Variants in ACSBG2 observed in about 807,000 individuals in gnomAD.
ACSBG2 encodes acyl-CoA synthetase bubblegum family member 2.
In ACSBG2, 62 loss-of-function variants were observed where a neutral mutation model predicts 74.7. The observed-to-expected ratio is 0.83, with a 90% CI of 0.68 to 1.03. The LOEUF (loss-of-function observed/expected upper bound fraction) is 1.03, where lower values mean the gene tolerates loss of function less well. Among genes scored for constraint, ACSBG2 ranks in the 50% least tolerant of loss-of-function variants. ACSBG2 has a pLI of 0.00. For synonymous variants in ACSBG2, 309 were observed against 294.1 expected (o/e 1.05, Z -0.52); for missense variants, 730 against 817.6 (o/e 0.89, Z 1.31).
intron 4 of ACSBG2, among the ~76,000 whole-genome samples, chr19:6,152,769 C>T (rs192108490): frequency 1.2e-4 from 19 of 152,044 alleles, no homozygotes; most frequent in African/African-American, 3.1e-4. Flanking sequence ...GGCAAAAAGT[C>T]GGGGACAACC....
chr19:6,184,861 A>ACAAACAAACAAAC lies in ACSBG2; in HGVS notation c.1323-575_1323-574insCAAACAAACAAAC, dbSNP rs1568254747. 2.0e-4 allele frequency among the ~76,000 whole-genome samples: 28 copies of ACAAACAAACAAAC among 139,794 alleles called. 1 individual carries two copies. The highest frequency in any genetic ancestry group is 8.0e-4 in the African/African-American group (28 of 35,198). 91.7% of individuals were successfully genotyped at this position (139,794 alleles called of 152,430 possible). A position where few individuals can be genotyped will look rare whatever the true frequency, so the allele number is the denominator to read the frequency against. ...AAAAAAAAAAAAAAAAAAAAAAAAA[A>ACAAACAAACAAAC]AAAAAAAAAAACGAAAAACAGCCTG... On this transcript the variant is annotated intron_variant, in intron 10 of 14. Transcript: ENST00000588485.
At chr19:6,179,336 G>A (rs1600113039) in intron 8 of ACSBG2, among the ~76,000 whole-genome samples, 1 of 113,060 alleles carries the variant, frequency 8.8e-6, no homozygotes, top group Non-Finnish European at 1.7e-5. Context: ...GTCGTGCTCT[G>A]TTACCCAGCC....
chr19:6,136,238 C>A (rs1253586809), intron 1 of ACSBG2, among the ~76,000 whole-genome samples: 2 of 151,976 alleles, frequency 1.3e-5, no homozygotes, highest in Non-Finnish European at 2.9e-5. Flanking sequence ...ACTACAGGTG[C>A]CTGCCACCAT....
intron 1 of ACSBG2, among the ~76,000 whole-genome samples, chr19:6,140,179 C>T (rs1962651): frequency 0.56 from 83,256 of 148,538 alleles, 24,942 homozygotes; most frequent in Admixed American, 0.67. Flanking sequence ...GAGCCGAGAT[C>T]GAGCCACTGC....
chr19:6,182,720 G>A, intron 8 of ACSBG2, 31 bp from the exon 9 acceptor site: 1 of 1,606,244 alleles, frequency 6.2e-7, no homozygotes, highest in South Asian at 1.1e-5. Context: ...GGAAGGCCCT[G>A]CTGTGGCTAA....
intron 5 of ACSBG2, 66 bp from the exon 6 acceptor site, chr19:6,161,149 T>A: frequency 7.5e-7 from 1 of 1,335,250 alleles, no homozygotes; most frequent in Non-Finnish European, 1.1e-6. Context: ...ACTTAGGACA[T>A]CTAACCCAGC....
intron 8 of ACSBG2, among the ~76,000 whole-genome samples, chr19:6,181,876 G>A (rs1181890218): frequency 8.1e-6 from 1 of 123,858 alleles, no homozygotes; most frequent in Non-Finnish European, 1.6e-5. Context: ...TAAATTTAAG[G>A]TTTTATTTCT....
intron 13 of ACSBG2, among the ~76,000 whole-genome samples, chr19:6,188,420 T>G (rs1440160857): frequency 6.6e-6 from 1 of 152,138 alleles, no homozygotes; most frequent in Non-Finnish European, 1.5e-5. Flanking sequence ...TTGGGCAGAC[T>G]GCTTGAGCCC....
At chr19:6,169,999 G>A (rs1448082299) in intron 7 of ACSBG2, among the ~76,000 whole-genome samples, 1 of 152,134 alleles carries the variant, frequency 6.6e-6, no homozygotes. Flanking sequence ...TTTTCTAGAT[G>A]TAGAATCATA....
At chr19:6,145,620 G>A (rs986898320) in intron 2 of ACSBG2, among the ~76,000 whole-genome samples, 2 of 152,066 alleles carry the variant, frequency 1.3e-5, no homozygotes, top group African/African-American at 4.8e-5. Flanking sequence ...GTTACTGGGT[G>A]GTAGTGAGAA....
intron 7 of ACSBG2, among the ~76,000 whole-genome samples, chr19:6,168,210 T>C (rs1280564535): frequency 1.3e-5 from 2 of 152,152 alleles, no homozygotes; most frequent in African/African-American, 4.8e-5. Flanking sequence ...ATGGTCCTCC[T>C]TGCTGTTCCT....
intron 3 of ACSBG2, 77 bp downstream of exon 3, chr19:6,147,752 A>T: frequency 6.8e-7 from 1 of 1,478,344 alleles, no homozygotes; most frequent in South Asian, 1.2e-5. Flanking sequence ...CATGTGGTAC[A>T]AAATTCACAA....
At chr19:6,184,846 A>G (rs1259406283) in intron 10 of ACSBG2, among the ~76,000 whole-genome samples, 1 of 123,808 alleles carries the variant, frequency 8.1e-6, no homozygotes, top group African/African-American at 3.7e-5. Flanking sequence ...AAAAAAAAAA[A>G]AAAAAAAAAA....
intron 5 of ACSBG2, among the ~76,000 whole-genome samples, chr19:6,159,886 C>G (rs2089549641): frequency 6.6e-6 from 1 of 152,182 alleles, no homozygotes; most frequent in Non-Finnish European, 1.5e-5. Context: ...CTGTTGCCTG[C>G]CCCAGGCTCC....
chr19:6,169,070 C>T (rs551039571), intron 7 of ACSBG2, among the ~76,000 whole-genome samples: 4 of 152,314 alleles, frequency 2.6e-5, no homozygotes, highest in East Asian at 1.9e-4. Flanking sequence ...TGAGCCATGG[C>T]GCCTGGCCAA....
intron 6 of ACSBG2, among the ~76,000 whole-genome samples, chr19:6,164,766 T>G (rs896035714): frequency 1.3e-5 from 2 of 152,150 alleles, no homozygotes; most frequent in Admixed American, 1.3e-4. Context: ...ATCACCCTCA[T>G]CCAGTGCTTT....
chr19:6,153,371 T>C (rs1386568331), intron 4 of ACSBG2, among the ~76,000 whole-genome samples: 1 of 152,234 alleles, frequency 6.6e-6, no homozygotes, highest in Non-Finnish European at 1.5e-5. Flanking sequence ...GGTGCCATCA[T>C]GATCCCAAGT....
chr19:6,138,641 G>T (rs2088687128), intron 1 of ACSBG2, among the ~76,000 whole-genome samples: 1 of 135,012 alleles, frequency 7.4e-6, no homozygotes, highest in Non-Finnish European at 1.6e-5. Flanking sequence ...AAGAAAGGAA[G>T]GGAAGGGAAG....
chr19:6,137,758 C>T (rs556991452), intron 1 of ACSBG2, among the ~76,000 whole-genome samples: 3 of 152,144 alleles, frequency 2.0e-5, no homozygotes, highest in African/African-American at 7.2e-5. Context: ...AGCAATTCTC[C>T]CACCTCAACC....
Sources: allele counts gnomAD v4.1 joint callset (sites outside exome capture counted in the v4.1 genomes callset), GRCh38; gene constraint gnomAD v4.1.1; transcripts MANE v1.5; gene names NCBI Gene and HGNC (gene_info 2026-07-23, HGNC 2026-07-21).